HS3ST4: variants seen among roughly 807,000 people sequenced by gnomAD.
HS3ST4 encodes heparan sulfate-glucosamine 3-sulfotransferase 4.
In HS3ST4, 17 loss-of-function variants were observed where a neutral mutation model predicts 29.2. The observed-to-expected ratio is 0.58, with a 90% CI of 0.40 to 0.87. The LOEUF (loss-of-function observed/expected upper bound fraction) is 0.87. HS3ST4 is among the 40% of genes least tolerant of loss of function. The pLI is 0.00. For synonymous variants in HS3ST4, 314 were observed against 285.7 expected (o/e 1.10, Z -1.00); for missense variants, 627 against 634.5 (o/e 0.99, Z 0.13).
chr16:25,752,139 T>C (rs1966725822), intron 1 of HS3ST4, among the ~76,000 whole-genome samples: 1 of 152,188 alleles, frequency 6.6e-6, no homozygotes, highest in Non-Finnish European at 1.5e-5. Flanking sequence ...TGAATAAATA[T>C]GTCACACAAA....
At chr16:25,978,369 C>G (rs1168124753) in intron 1 of HS3ST4, among the ~76,000 whole-genome samples, 2 of 152,232 alleles carry the variant, frequency 1.3e-5, no homozygotes, top group Non-Finnish European at 2.9e-5. Flanking sequence ...GCCCTACAGT[C>G]TCTGTTGTAA....
chr16:25,851,343 G>A lies in HS3ST4; in HGVS notation c.734+158192G>A, dbSNP rs1242371561. ...GTGGCTGTCATCACTGTTTCCAGTC[G>A]TTCCCATCTCTATGAGCATTCCTTC... On this transcript the variant is annotated intron_variant, in intron 1 of 1. Transcript: ENST00000331351. Among the ~76,000 whole-genome samples, 6 of 152,176 alleles carry A rather than the reference G, an allele frequency of 3.9e-5. No individual in the cohort carries two copies. In the East Asian group the frequency reaches 7.7e-4, roughly 20 times the overall value.
chr16:26,129,135 G>A (rs1899385257), intron 1 of HS3ST4, among the ~76,000 whole-genome samples: 1 of 152,164 alleles, frequency 6.6e-6, no homozygotes, highest in African/African-American at 2.4e-5. Context: ...TTCAATTGAG[G>A]AGGCCCTGGA....
At chr16:26,108,385 G>A (rs534151384) in intron 1 of HS3ST4, among the ~76,000 whole-genome samples, 1 of 152,268 alleles carries the variant, frequency 6.6e-6, no homozygotes, top group Non-Finnish European at 1.5e-5. Flanking sequence ...AGGAATTAAA[G>A]GATTTGTTGC....
chr16:26,043,109 ATACC>A (rs1397107037), intron 1 of HS3ST4, among the ~76,000 whole-genome samples: 1 of 152,158 alleles, frequency 6.6e-6, no homozygotes, highest in Non-Finnish European at 1.5e-5. Context: ...CAATATCTAT[ATACC>A]TACCTACCTG....
intron 1 of HS3ST4, among the ~76,000 whole-genome samples, chr16:26,066,695 G>A (rs980870454): frequency 1.3e-5 from 2 of 152,214 alleles, no homozygotes; most frequent in Admixed American, 6.5e-5. Flanking sequence ...AAGACAGTGT[G>A]CAGAAGAGCA....
At chr16:26,109,968 T>C (rs1899107173) in intron 1 of HS3ST4, among the ~76,000 whole-genome samples, 1 of 152,188 alleles carries the variant, frequency 6.6e-6, no homozygotes, top group Non-Finnish European at 1.5e-5. Flanking sequence ...TTAGCTATAG[T>C]TACTGTGCTG....
chr16:25,693,313 TGA>T (rs1168968656), intron 1 of HS3ST4, among the ~76,000 whole-genome samples, 162 bp downstream of exon 1: 2 of 152,052 alleles, frequency 1.3e-5, no homozygotes, highest in African/African-American at 4.8e-5. Context: ...GGGGATCGGC[TGA>T]GAGGGCTGGA....
intron 1 of HS3ST4, among the ~76,000 whole-genome samples, chr16:25,870,167 C>CCCAT (rs1018492849): frequency 2.0e-5 from 3 of 151,878 alleles, no homozygotes; most frequent in Non-Finnish European, 4.4e-5. Context: ...CCATCATTTG[C>CCCAT]CCATCCATCC....
At chr16:25,819,325 GGC>G (rs1194271434) in intron 1 of HS3ST4, among the ~76,000 whole-genome samples, 2 of 152,134 alleles carry the variant, frequency 1.3e-5, no homozygotes, top group Admixed American at 6.5e-5. Context: ...AGTTTCCCCA[GGC>G]AACATCTCAG....
At chr16:25,888,491 A>G (rs1472954258) in intron 1 of HS3ST4, among the ~76,000 whole-genome samples, 1 of 152,122 alleles carries the variant, frequency 6.6e-6, no homozygotes, top group Admixed American at 6.5e-5. Context: ...CCTTTTAACA[A>G]AAAAAATTAC....
intron 1 of HS3ST4, among the ~76,000 whole-genome samples, chr16:25,793,854 GT>G (rs1201312600): frequency 1.3e-5 from 2 of 151,708 alleles, no homozygotes; most frequent in Non-Finnish European, 3.0e-5. Context: ...TTTGCTTTCA[GT>G]TTGGTTAAAC....
chr16:25,927,235 A>G (rs1048496708), intron 1 of HS3ST4, among the ~76,000 whole-genome samples: 10 of 152,184 alleles, frequency 6.6e-5, no homozygotes, highest in African/African-American at 9.7e-5. Context: ...GCATTTGGGG[A>G]AAAAAATTGC....
At chr16:25,968,574 G>A (rs1032164849) in intron 1 of HS3ST4, among the ~76,000 whole-genome samples, 7 of 152,154 alleles carry the variant, frequency 4.6e-5, no homozygotes, top group Non-Finnish European at 1.0e-4. Context: ...GTATCAATAA[G>A]TAGCACAATG....
chr16:26,073,133 T>C (rs933792751), intron 1 of HS3ST4, among the ~76,000 whole-genome samples: 1 of 152,148 alleles, frequency 6.6e-6, no homozygotes, highest in Non-Finnish European at 1.5e-5. Context: ...TCAACAAACA[T>C]TTATTGAGCA....
chr16:25,845,005 C>G (rs1250212079), intron 1 of HS3ST4, among the ~76,000 whole-genome samples: 1 of 151,888 alleles, frequency 6.6e-6, no homozygotes, highest in African/African-American at 2.4e-5. Context: ...AATGAGAACA[C>G]ATGGACACAG....
At chr16:25,731,234 G>A (rs2141593675) in intron 1 of HS3ST4, among the ~76,000 whole-genome samples, 1 of 152,328 alleles carries the variant, frequency 6.6e-6, no homozygotes, top group Non-Finnish European at 1.5e-5. Context: ...GAAATGTCAT[G>A]GCCCAGGGCC....
At chr16:25,857,919 C>CCTTCCTTTCTTCCTTTCTTT (rs1455979612) in intron 1 of HS3ST4, among the ~76,000 whole-genome samples, 4 of 58,028 alleles carry the variant, frequency 6.9e-5, no homozygotes, top group Non-Finnish European at 1.4e-4. Context: ...TTCCTTCCTT[C>CCTTCCTTTCTTCCTTTCTTT]CTTTCTTTCT....
At chr16:26,085,273 C>A (rs1192591197) in intron 1 of HS3ST4, among the ~76,000 whole-genome samples, 1 of 152,138 alleles carries the variant, frequency 6.6e-6, no homozygotes, top group South Asian at 2.1e-4. Flanking sequence ...TGTGTAGACA[C>A]TAATAAAGAT....
Sources: allele counts gnomAD v4.1 joint callset (sites outside exome capture counted in the v4.1 genomes callset), GRCh38; gene constraint gnomAD v4.1.1; transcripts MANE v1.5; gene names NCBI Gene and HGNC (gene_info 2026-07-23, HGNC 2026-07-21).